The following CDKL4 variants were observed in gnomAD, a reference collection of about 807,000 sequenced individuals.
CDKL4 encodes cyclin dependent kinase like 4, also known as cyclin-dependent kinase-like 4.
In CDKL4, 44 loss-of-function variants were observed where a neutral mutation model predicts 42.0. The ratio of observed to expected loss-of-function variants is 1.05; its 90% CI spans 0.82 to 1.35. The LOEUF (loss-of-function observed/expected upper bound fraction) is 1.35, where lower values mean the gene tolerates loss of function less well. Ranked by LOEUF, CDKL4 falls within the 40% of genes most tolerant of loss-of-function variation. The pLI is 0.00. For synonymous variants in CDKL4, 120 were observed against 121.6 expected (o/e 0.99, Z 0.09); for missense variants, 393 against 369.9 (o/e 1.06, Z -0.51).
At chr2:39,194,052 A>C (rs1676360587) in intron 5 of CDKL4, among the ~76,000 whole-genome samples, 1 of 152,184 alleles carries the variant, frequency 6.6e-6, no homozygotes, top group Admixed American at 6.5e-5. Context: ...GGATTATGGG[A>C]GATTCCTAAA....
chr2:39,221,895 T>G (rs568609021), intron 3 of CDKL4, among the ~76,000 whole-genome samples: 1 of 152,344 alleles, frequency 6.6e-6, no homozygotes, highest in African/African-American at 2.4e-5. Flanking sequence ...TTGCTTCTCT[T>G]GTGCATCCCT....
chr2:39,186,390 G>A (rs1411249336), intron 7 of CDKL4, among the ~76,000 whole-genome samples: 2 of 152,124 alleles, frequency 1.3e-5, no homozygotes, highest in Admixed American at 6.6e-5. Context: ...CCATCCCTGC[G>A]TGGCTCTGAC....
chr2:39,225,727 AT>A (rs1678667746), intron 3 of CDKL4, 111 bp downstream of exon 3: 1 of 1,048,338 alleles, frequency 9.5e-7, no homozygotes, highest in African/African-American at 1.6e-5. Flanking sequence ...AGCCAGATGC[AT>A]TGTGGTAGAA....
In CDKL4 at chr2:39,184,552, A is replaced by C. The variant is rs1042614292; in HGVS notation, c.792+39T>G. ...CAAATTACCAGCTTCAGTCATTACAATTTATAGCTAATAAGAGTTATAATT... is the reference window on the plus strand; with the variant it reads ...CAAATTACCAGCTTCAGTCATTACACTTTATAGCTAATAAGAGTTATAATT... On this transcript the variant is annotated intron_variant, in intron 8 of 9. Coordinates refer to ENST00000451199, the Ensembl canonical transcript of CDKL4. 3 of 1,477,604 alleles carry C rather than the reference A, an allele frequency of 2.0e-6. No individual in the cohort carries two copies. The African/African-American group carries it at 4.1e-5, about 20-fold the overall frequency. The allele number at this position is 1,477,604 out of a possible 1,614,324, so 91.5% of individuals were successfully genotyped here.
intron 1 of CDKL4, among the ~76,000 whole-genome samples, chr2:39,230,385 T>A (rs1679026218): frequency 6.6e-6 from 1 of 152,244 alleles, no homozygotes; most frequent in Admixed American, 6.5e-5. Flanking sequence ...AGGGTATTTA[T>A]TGCTCCTAGC....
Position 39,239,394 on chromosome 2 carries a change from A to T in CDKL4, c.-57+4477T>A, listed in dbSNP as rs557241168. Among the ~76,000 whole-genome samples, 10 of 152,356 alleles carry T rather than the reference A, an allele frequency of 6.6e-5. No individual in the cohort carries two copies. The South Asian group carries it at 2.1e-3, about 32-fold the overall frequency. ...ATTAAAATCTTTTGCTCCTCAAAAA[A>T]TTTCCCCATTAAGAAAATGAAAAGC... On this transcript the variant is annotated intron_variant, in intron 1 of 9. Transcript: ENST00000451199.
At chr2:39,240,691 A>G (rs910861929) in intron 1 of CDKL4, among the ~76,000 whole-genome samples, 12 of 151,384 alleles carry the variant, frequency 7.9e-5, no homozygotes, top group African/African-American at 2.4e-4. Flanking sequence ...AAAAAAAAAA[A>G]AAAAGAAAAA....
intron 5 of CDKL4, among the ~76,000 whole-genome samples, chr2:39,201,446 T>G (rs1224153045): frequency 2.6e-5 from 4 of 152,168 alleles, no homozygotes; most frequent in Non-Finnish European, 5.9e-5. Flanking sequence ...ATCTACCATT[T>G]GATCCAGCAG....
At chr2:39,188,732 A>G (rs1357026235) in intron 6 of CDKL4, among the ~76,000 whole-genome samples, 1 of 152,100 alleles carries the variant, frequency 6.6e-6, no homozygotes, top group Non-Finnish European at 1.5e-5. Context: ...CTCTGTTGCC[A>G]AAACTGGAGT....
chr2:39,198,389 AG>A (rs1676647800), intron 5 of CDKL4, among the ~76,000 whole-genome samples: 1 of 152,190 alleles, frequency 6.6e-6, no homozygotes, highest in African/African-American at 2.4e-5. Context: ...ACACAATAAT[AG>A]TGGAGGACTT....
intron 1 of CDKL4, among the ~76,000 whole-genome samples, chr2:39,230,221 A>C (rs964470179): frequency 6.6e-6 from 1 of 152,228 alleles, no homozygotes; most frequent in Non-Finnish European, 1.5e-5. Flanking sequence ...CTCTACTAAA[A>C]ATACAAAATT....
At position 39,178,689 on chromosome 2, in the gene CDKL4, G is replaced by C. The variant is rs766160209; in HGVS notation, c.927+498C>G. ...TAGAATTTGGTTCCCAGATGTCTGG[G>C]TTTCATTCCTTTGTACCTGGCAGAT... On this transcript the variant is annotated intron_variant, in intron 9 of 9. Coordinates refer to ENST00000451199, the Ensembl canonical transcript of CDKL4. 5 of 1,608,808 alleles carry C rather than the reference G, an allele frequency of 3.1e-6. No homozygotes were observed. In the African/African-American group the frequency reaches 6.7e-5, roughly 21 times the overall value.
At chr2:39,178,767 T>C in intron 9 of CDKL4, 1 of 1,594,878 alleles carries the variant, frequency 6.3e-7, no homozygotes, top group Non-Finnish European at 8.5e-7. Flanking sequence ...CTGCTGTGGG[T>C]GAAAAGATGG....
At position 39,188,560 on chromosome 2, in the gene CDKL4, C is replaced by CAAAAAA. The variant is rs34568815; in HGVS notation, c.653-857_653-852dup. On this transcript the variant is annotated intron_variant, in intron 6 of 9. Coordinates refer to ENST00000451199, the Ensembl canonical transcript of CDKL4. ...CTGGCAACAGAGTGACAGTCCGTCTCAAAAAAAAAAAAAAAAAAAAAAAAA... is the reference window on the plus strand; with the variant it reads ...CTGGCAACAGAGTGACAGTCCGTCTCAAAAAAAAAAAAAAAAAAAAAAAAAAAAAAA... 9.5e-4 allele frequency among the ~76,000 whole-genome samples: 43 copies of CAAAAAA among 45,268 alleles called. 1 individual carries two copies. Among genetic ancestry groups the CAAAAAA allele is most frequent in the African/African-American group, 1.9e-3 (15 of 8,042 alleles). 29.7% of individuals were successfully genotyped at this position (45,268 alleles called of 152,430 possible).
chr2:39,180,485 C>T (rs1466621431), intron 8 of CDKL4, among the ~76,000 whole-genome samples: 1 of 151,894 alleles, frequency 6.6e-6, no homozygotes, highest in Admixed American at 6.5e-5. Flanking sequence ...TGGCCCTTGG[C>T]GAGGGATCTG....
At position 39,186,539 on chromosome 2, in the gene CDKL4, C is replaced by G. The variant is rs1395951757; in HGVS notation, c.735+1088G>C. On this transcript the variant is annotated intron_variant, in intron 7 of 9. Transcript: ENST00000451199. ...ACAGGAAGTCAATGTCTACAGAGAG[C>G]AAGAGAGAGAGTCAAATAGTCATTG... 2.6e-5 allele frequency among the ~76,000 whole-genome samples: 4 copies of G among 152,008 alleles called. No individual in the cohort carries two copies. The East Asian group carries it at 5.8e-4, about 22-fold the overall frequency.
intron 9 of CDKL4, among the ~76,000 whole-genome samples, chr2:39,176,681 G>A (rs1454677497): frequency 2.6e-5 from 4 of 152,158 alleles, no homozygotes; most frequent in Non-Finnish European, 4.4e-5. Context: ...TGATCCACCT[G>A]CCTCAGCCTT....
chr2:39,202,918 A>G (rs1676943016), intron 5 of CDKL4, among the ~76,000 whole-genome samples: 1 of 152,194 alleles, frequency 6.6e-6, no homozygotes, highest in Non-Finnish European at 1.5e-5. Context: ...GCCTGAGCTC[A>G]TGTCTTGTGG....
chr2:39,231,033 A>T (rs1247865458), intron 1 of CDKL4, among the ~76,000 whole-genome samples: 5 of 152,176 alleles, frequency 3.3e-5, no homozygotes, highest in African/African-American at 1.2e-4. Context: ...AACATGGTGA[A>T]ACCCTGTCTC....
Sources: gnomAD v4.1 joint callset for allele counts (sites outside exome capture counted in the v4.1 genomes callset) on GRCh38, gnomAD v4.1.1 for gene constraint, MANE v1.5 for transcripts, NCBI Gene and HGNC (gene_info 2026-07-23, HGNC 2026-07-21) for gene names.